Variants in CFAP97 observed in about 807,000 individuals in gnomAD.
CFAP97 encodes the protein cilia and flagella associated protein 97.
Under a neutral mutation model 43.1 loss-of-function variants are expected in CFAP97, and 36 were observed. The observed-to-expected ratio is 0.84, with a 90% CI of 0.64 to 1.10. The LOEUF is 1.10. CFAP97 is among the 50% of genes least tolerant of loss of function. The pLI, the probability that CFAP97 is intolerant of heterozygous loss-of-function variation, is 0.00. For missense variants in CFAP97, 657 were observed against 620.3 expected (o/e 1.06, Z -0.63); for synonymous variants, 228 against 225.7 (o/e 1.01, Z -0.09).
rs1736476905 is a variant in CFAP97 at position 185,195,037 on chromosome 4, GC to G, written c.-16-3826del. Among the ~76,000 whole-genome samples, 3 of 152,192 alleles carry G rather than the reference GC, an allele frequency of 2.0e-5. No individual in the cohort carries two copies. In the South Asian group the frequency reaches 6.2e-4, roughly 31 times the overall value. On this transcript the variant is annotated intron_variant, in intron 1 of 4. Coordinates refer to ENST00000458385, the MANE Select transcript of CFAP97 (RefSeq NM_020827.3). The stretch of plus-strand genomic sequence containing the variant: ...GCATGTACACAGGATGTTCACGACA[GC>G]ACAGCATCTACTACTGTTTGCAGTA...
At chr4:185,171,952 C>G (rs1018684307) in intron 3 of CFAP97, among the ~76,000 whole-genome samples, 1 of 152,124 alleles carries the variant, frequency 6.6e-6, no homozygotes, top group Non-Finnish European at 1.5e-5. Context: ...CTTGCCCATG[C>G]TTGTCTTGAA....
At chr4:185,184,611 G>A (rs1337672095) in intron 2 of CFAP97, among the ~76,000 whole-genome samples, 1 of 152,196 alleles carries the variant, frequency 6.6e-6, no homozygotes, top group Non-Finnish European at 1.5e-5. Flanking sequence ...CACAGTGCTA[G>A]AAAGTAGGTC....
At chr4:185,191,364 G>A (rs1736248819) in intron 1 of CFAP97, among the ~76,000 whole-genome samples, 152 bp from the exon 2 acceptor site, 1 of 152,182 alleles carries the variant, frequency 6.6e-6, no homozygotes, top group Non-Finnish European at 1.5e-5. Context: ...GTAACTCAGT[G>A]AAGTGATGAT....
In CFAP97 at chr4:185,196,405, C is replaced by T. The variant is rs558473222; in HGVS notation, c.-16-5193G>A. ...AGGAGAATCACTTGAACCTGGCAGG[C>T]GGAGGTTGCAGTGAGCTGAGATCAT... On this transcript the variant is annotated intron_variant, in intron 1 of 4. Transcript: ENST00000458385. Among the ~76,000 whole-genome samples, 182 of 149,272 alleles carry T rather than the reference C, an allele frequency of 1.2e-3. 1 individual carries two copies. Among genetic ancestry groups the T allele is most frequent in the Middle Eastern group, 0.011 (3 of 284 alleles).
Position 185,191,151 on chromosome 4 carries a change from A to C in CFAP97, c.46T>G (p.Phe16Val). ...CCTTCTTCAAAGTCACTGTCAAAGAAAGAATGGTCCACTTCACCTTCTAAT... is the reference window on the plus strand; with the variant it reads ...CCTTCTTCAAAGTCACTGTCAAAGACAGAATGGTCCACTTCACCTTCTAAT... The part of the protein sequence containing the change: ...DILEGEVDHS[F>V]FDSDFEEGKK... Residue 16 changes from phenylalanine to valine, a missense_variant, in exon 2 of 5, where the codon TTC (phenylalanine) becomes GTC (valine). Transcript: ENST00000458385. The C allele has an allele frequency of 6.2e-7, 1 of 1,605,418 alleles. No individual in the cohort carries two copies. The highest frequency in any genetic ancestry group is 8.5e-7 in the Non-Finnish European group (1 of 1,177,340).
intron 1 of CFAP97, among the ~76,000 whole-genome samples, chr4:185,203,433 C>T (rs1318169796): frequency 6.6e-6 from 1 of 152,128 alleles, no homozygotes; most frequent in Non-Finnish European, 1.5e-5. Flanking sequence ...AACAAGATGC[C>T]CAATTGGGTA....
chr4:185,197,587 C>T (rs1229990896), intron 1 of CFAP97, among the ~76,000 whole-genome samples: 4 of 151,872 alleles, frequency 2.6e-5, no homozygotes, highest in Non-Finnish European at 4.4e-5. Context: ...GCCACCACAC[C>T]CGGCTAATTT....
intron 1 of CFAP97, among the ~76,000 whole-genome samples, chr4:185,201,884 A>G (rs1433277131): frequency 6.6e-6 from 1 of 152,212 alleles, no homozygotes; most frequent in African/African-American, 2.4e-5. Flanking sequence ...TCTTTTAAAC[A>G]CCGTATAGAA....
chr4:185,204,468 G>C (rs1166192776), upstream of CFAP97: 1 of 152,258 alleles, frequency 6.6e-6, no homozygotes. Flanking sequence ...GGTAAACGAG[G>C]TGGGTAGTTA....
At chr4:185,174,834 C>G (rs1735452591) in intron 3 of CFAP97, among the ~76,000 whole-genome samples, 2 of 152,192 alleles carry the variant, frequency 1.3e-5, no homozygotes, top group South Asian at 4.1e-4. Context: ...ATACTCAGAA[C>G]AATGCCTAGT....
intron 1 of CFAP97, among the ~76,000 whole-genome samples, chr4:185,198,645 C>T (rs1384891179): frequency 2.0e-5 from 3 of 151,904 alleles, no homozygotes; most frequent in Middle Eastern, 3.4e-3. Flanking sequence ...CAAAATTAGC[C>T]GGGTGTGGTG....
chr4:185,171,237 C>G (rs1054068459), intron 3 of CFAP97, among the ~76,000 whole-genome samples: 1 of 151,920 alleles, frequency 6.6e-6, no homozygotes, highest in Non-Finnish European at 1.5e-5. Context: ...GGGTGTCACA[C>G]GCTTGTAGTC....
chr4:185,187,973 T>G (rs574229129), intron 2 of CFAP97, among the ~76,000 whole-genome samples: 2 of 152,054 alleles, frequency 1.3e-5, no homozygotes, highest in Non-Finnish European at 1.5e-5. Context: ...CTCGGCTAAC[T>G]GCAACCTCCA....
rs1167016502 is a variant in CFAP97 at position 185,162,463 on chromosome 4, A to C, written c.*335T>G. On this transcript the variant is annotated 3_prime_UTR_variant, in exon 5 of 5. Coordinates refer to ENST00000458385, the MANE Select transcript of CFAP97 (RefSeq NM_020827.3). ...AAGAAATGAAAATAACACAAATTGA[A>C]AACTATAGTGACCATCTTGGGTACG... 9.2e-6 allele frequency: 2 copies of C among 218,482 alleles called. No individual in the cohort carries two copies. Among genetic ancestry groups the C allele is most frequent in the African/African-American group, 3.7e-5 (1 of 26,892 alleles). The allele number at this position is 218,482 out of a possible 1,614,324, so 13.5% of individuals were successfully genotyped here.
intron 3 of CFAP97, 81 bp from the exon 4 acceptor site, chr4:185,164,260 A>C: frequency 7.7e-7 from 1 of 1,300,966 alleles, no homozygotes; most frequent in Non-Finnish European, 1.0e-6. Context: ...AGAGCCTGAC[A>C]TTCACTTTCT....
chr4:185,196,537 T>G (rs76025292), intron 1 of CFAP97, among the ~76,000 whole-genome samples: 5,646 of 152,070 alleles, frequency 0.037, 183 homozygotes, highest in African/African-American at 0.081. Flanking sequence ...TTCTATTACT[T>G]AAATGCATTG....
upstream of CFAP97, among the ~76,000 whole-genome samples, chr4:185,205,881 A>G (rs559357669): frequency 6.6e-6 from 1 of 152,342 alleles, no homozygotes; most frequent in African/African-American, 2.4e-5. Flanking sequence ...GGACTTGAGT[A>G]GATATTTCTC....
chr4:185,184,538 T>C (rs1421168737), intron 2 of CFAP97, among the ~76,000 whole-genome samples: 1 of 152,156 alleles, frequency 6.6e-6, no homozygotes, highest in African/African-American at 2.4e-5. Context: ...AGGTGAACAC[T>C]GAAAACGGCT....
rs928726726 is a variant in CFAP97, at chr4:185,167,396, C to T, written c.1321-3217G>A. 3.9e-5 allele frequency among the ~76,000 whole-genome samples: 6 copies of T among 152,000 alleles called. No individual in the cohort carries two copies. In the South Asian group the frequency reaches 8.3e-4, roughly 21 times the overall value. On this transcript the variant is annotated intron_variant, in intron 3 of 4. Transcript: ENST00000458385. ...GGAGAATGGCTTGAGTCCAGGAGGTCGAGGCTGCAAGTGAGTCATGATCAC... is the reference window on the plus strand; with the variant it reads ...GGAGAATGGCTTGAGTCCAGGAGGTTGAGGCTGCAAGTGAGTCATGATCAC...
Sources: gnomAD v4.1 joint callset for allele counts (sites outside exome capture counted in the v4.1 genomes callset) on GRCh38, gnomAD v4.1.1 for gene constraint, MANE v1.5 for transcripts, NCBI Gene and HGNC (gene_info 2026-07-23, HGNC 2026-07-21) for gene names.